The following PTPN9 variants were observed in gnomAD, a reference collection of about 807,000 sequenced individuals.
PTPN9 encodes protein tyrosine phosphatase non-receptor type 9, also known as tyrosine-protein phosphatase non-receptor type 9.
PTPN9 carries 26 observed loss-of-function variants against 69.8 expected under a neutral mutation model. The ratio of observed to expected loss-of-function variants is 0.37; its 90% CI spans 0.27 to 0.52. The LOEUF is 0.52. Among genes scored for constraint, PTPN9 ranks in the 20% least tolerant of loss-of-function variants. PTPN9 has a pLI of 0.91. For synonymous variants in PTPN9, 274 were observed against 272.5 expected, an observed-to-expected ratio of 1.01 and a Z score of -0.05; for missense variants, 549 against 740.3, an observed-to-expected ratio of 0.74 and a Z score of 3.00.
intron 1 of PTPN9, among the ~76,000 whole-genome samples, chr15:75,563,347 C>T (rs1430354981): frequency 6.6e-6 from 1 of 152,184 alleles, no homozygotes; most frequent in Non-Finnish European, 1.5e-5. Flanking sequence ...TGCCACCATG[C>T]CCAGCTAACT....
intron 1 of PTPN9, among the ~76,000 whole-genome samples, chr15:75,568,065 T>A (rs960674837): frequency 1.3e-5 from 2 of 151,674 alleles, no homozygotes; most frequent in Non-Finnish European, 2.9e-5. Context: ...AGAAAAATCA[T>A]CTCTAATCTA....
At chr15:75,533,690 C>T (rs1325635200) in intron 1 of PTPN9, among the ~76,000 whole-genome samples, 3 of 152,148 alleles carry the variant, frequency 2.0e-5, no homozygotes, top group Non-Finnish European at 4.4e-5. Flanking sequence ...ACTAGAGAAC[C>T]TGCTATAAAA....
rs763844646 is a variant in PTPN9, at chr15:75,473,727, T to C, written c.1170A>G (p.Val390=). Residue 390 remains valine (V), a synonymous_variant, in exon 10 of 13, where the codon GTA becomes GTG. Coordinates refer to ENST00000618819, the MANE Select transcript of PTPN9 (RefSeq NM_002833.4). ...CAATCACCAAGACTTTTTGCTCCCA[T>C]ACCATGAGCCAGAAATCACGATAGG... is the stretch of plus-strand genomic sequence containing the variant. ...ENTYRDFWLM[V]WEQKVLVIVM... is the part of the protein sequence containing the mutation. 3.8e-6 allele frequency: 6 copies of C among 1,587,826 alleles called. No homozygotes were observed. Among genetic ancestry groups the C allele is most frequent in the Non-Finnish European group, 4.3e-6 (5 of 1,156,228 alleles).
rs140800432 is a variant in PTPN9, at chr15:75,517,434, G to C, written c.423-70C>G. Reference sequence around the variant, plus strand: ...GGATGAGGCAGGTTGAAAGCCTAATGCCAAAACAAAACCTGAGAGTATGAG... The same window carrying C: ...GGATGAGGCAGGTTGAAAGCCTAATCCCAAAACAAAACCTGAGAGTATGAG... On this transcript the variant is annotated intron_variant, in intron 4 of 12. Coordinates refer to ENST00000618819, the MANE Select transcript of PTPN9 (RefSeq NM_002833.4). 2.4e-6 allele frequency: 3 copies of C among 1,258,446 alleles called. 1 individual carries two copies. Among genetic ancestry groups the C allele is most frequent in the South Asian group, 2.6e-5 (2 of 77,820 alleles). The allele number at this position is 1,258,446 out of a possible 1,614,324, so 78.0% of individuals were successfully genotyped here.
chr15:75,471,725 G>A (rs1278037455), intron 10 of PTPN9, among the ~76,000 whole-genome samples: 1 of 149,976 alleles, frequency 6.7e-6, no homozygotes, highest in African/African-American at 2.5e-5. Context: ...GACTAGCCTG[G>A]CCAACACGGT....
chr15:75,530,771 A>G (rs1289333803), intron 1 of PTPN9, among the ~76,000 whole-genome samples: 2 of 78,026 alleles, frequency 2.6e-5, no homozygotes, highest in Non-Finnish European at 4.5e-5. Context: ...TATTATTATA[A>G]TTATTATAAT....
intron 2 of PTPN9, among the ~76,000 whole-genome samples, chr15:75,525,200 T>A (rs2074922148): frequency 6.6e-6 from 1 of 151,668 alleles, no homozygotes; most frequent in Admixed American, 6.6e-5. Context: ...ATGGCCAGAT[T>A]CTTTTTTTTT....
rs1206223565 is a variant in PTPN9, at chr15:75,578,782, C to G, written c.-6G>C. 4.0e-5 allele frequency: 50 copies of G among 1,239,222 alleles called. No homozygotes were observed. Among genetic ancestry groups the G allele is most frequent in the Middle Eastern group, 6.3e-4 (2 of 3,168 alleles). 76.8% of individuals were successfully genotyped at this position (1,239,222 alleles called of 1,614,324 possible). On this transcript the variant is annotated 5_prime_UTR_variant, in exon 1 of 13. Transcript: ENST00000618819. ...GGCGCGGTCGCGGGCTCCATCCCCC[C>G]GCCACCGCCGCCGGGCGGACAAAAC...
intron 1 of PTPN9, among the ~76,000 whole-genome samples, chr15:75,571,574 A>G (rs11853464): frequency 0.11 from 17,410 of 152,200 alleles, 1,149 homozygotes; most frequent in East Asian, 0.29. Flanking sequence ...CCTGGGCAAC[A>G]TAGTGACACC....
chr15:75,482,536 GC>G (rs545726436), intron 8 of PTPN9, among the ~76,000 whole-genome samples: 208 of 124,546 alleles, frequency 1.7e-3, no homozygotes, highest in African/African-American at 6.4e-3. Context: ...CTGCACTCCA[GC>G]CTGGGCGACA....
intron 1 of PTPN9, among the ~76,000 whole-genome samples, chr15:75,571,527 G>A (rs769758403): frequency 1.3e-5 from 2 of 152,218 alleles, no homozygotes; most frequent in Non-Finnish European, 2.9e-5. Context: ...GGAGGCCAAG[G>A]TGGGTAGACT....
At chr15:75,538,463 G>A (rs888672516) in intron 1 of PTPN9, among the ~76,000 whole-genome samples, 11 of 152,156 alleles carry the variant, frequency 7.2e-5, no homozygotes, top group East Asian at 1.9e-4. Flanking sequence ...CTGGGAGGCC[G>A]AAGTGGGCAG....
In PTPN9 at chr15:75,498,541, C is replaced by G. The variant is rs550797283; in HGVS notation, c.968+7134G>C. ...ATCAGCCTGGCCAACATGGTGAAAC[C>G]CTGACTGTAGTAAAAATACAAAAAT... On this transcript the variant is annotated intron_variant, in intron 7 of 12. Coordinates refer to ENST00000618819, the MANE Select transcript of PTPN9 (RefSeq NM_002833.4). Among the ~76,000 whole-genome samples, 5 of 151,854 alleles carry G rather than the reference C, an allele frequency of 3.3e-5. 1 individual carries two copies. The East Asian group carries it at 9.7e-4, about 30-fold the overall frequency.
At chr15:75,482,218 G>A (rs1405978081) in intron 8 of PTPN9, among the ~76,000 whole-genome samples, 1 of 151,902 alleles carries the variant, frequency 6.6e-6, no homozygotes, top group African/African-American at 2.4e-5. Flanking sequence ...TGGATTAAGG[G>A]CGGTGCAAGA....
intron 1 of PTPN9, among the ~76,000 whole-genome samples, chr15:75,529,330 G>A (rs2074944921): frequency 6.6e-6 from 1 of 152,106 alleles, no homozygotes; most frequent in African/African-American, 2.4e-5. Context: ...AAAGCTTCAT[G>A]CATGGCTATT....
At chr15:75,574,202 T>C (rs969281812) in intron 1 of PTPN9, among the ~76,000 whole-genome samples, 1 of 151,260 alleles carries the variant, frequency 6.6e-6, no homozygotes, top group Non-Finnish European at 1.5e-5. Flanking sequence ...GGAGGACGGC[T>C]TGAACCCAGG....
intron 1 of PTPN9, among the ~76,000 whole-genome samples, chr15:75,539,855 G>A (rs557149857): frequency 1.3e-5 from 2 of 151,878 alleles, no homozygotes; most frequent in African/African-American, 2.4e-5. Context: ...ATTTTTAGTG[G>A]AGACGGGGTT....
intron 5 of PTPN9, among the ~76,000 whole-genome samples, chr15:75,516,741 C>CA (rs2074872050): frequency 1.1e-5 from 1 of 87,928 alleles, no homozygotes; most frequent in African/African-American, 5.3e-5. Flanking sequence ...TGTTCCTGTG[C>CA]TTTTTTTTTT....
intron 8 of PTPN9, among the ~76,000 whole-genome samples, 186 bp downstream of exon 8, chr15:75,490,022 A>G (rs1295126651): frequency 1.3e-5 from 2 of 152,208 alleles, no homozygotes; most frequent in Non-Finnish European, 2.9e-5. Context: ...TCCACTCAAT[A>G]CTGTGAGATG....
Sources: allele counts gnomAD v4.1 joint callset (sites outside exome capture counted in the v4.1 genomes callset), GRCh38; gene constraint gnomAD v4.1.1; transcripts MANE v1.5; gene names NCBI Gene and HGNC (gene_info 2026-07-23, HGNC 2026-07-21).